Variants in HDGFL3 observed in about 807,000 individuals in gnomAD.
HDGFL3 encodes the protein HDGF like 3.
A neutral mutation model predicts 27.6 loss-of-function variants in HDGFL3; 6 were observed. The observed-to-expected ratio is 0.22, with a 90% CI of 0.12 to 0.43. The LOEUF is 0.43. HDGFL3 is among the 20% of genes least tolerant of loss of function. The probability of loss-of-function intolerance (pLI) is 1.00; values close to 1 mark genes in which losing one functional copy is unlikely to be tolerated. For synonymous variants in HDGFL3, 88 were observed against 88.9 expected, an observed-to-expected ratio of 0.99 and a Z score of 0.05; for missense variants, 207 against 250.1, an observed-to-expected ratio of 0.83 and a Z score of 1.16.
intron 5 of HDGFL3, among the ~76,000 whole-genome samples, chr15:83,139,560 T>C (rs185704407): frequency 6.6e-6 from 1 of 152,322 alleles, no homozygotes; most frequent in African/African-American, 2.4e-5. Context: ...GTGCACATTC[T>C]ACAATTCTAG....
At chr15:83,124,634 A>G, downstream of HDGFL3, 1 of 1,519,160 alleles carries the variant, frequency 6.6e-7, no homozygotes, top group South Asian at 1.2e-5. Flanking sequence ...CTTCTTTGGC[A>G]CTTTGGGCCT....
At chr15:83,147,360 C>T (rs752757507) in intron 5 of HDGFL3, among the ~76,000 whole-genome samples, 1 of 151,994 alleles carries the variant, frequency 6.6e-6, no homozygotes, top group Non-Finnish European at 1.5e-5. Context: ...GCACCTGGCC[C>T]TACCTTCTTG....
chr15:83,181,610 G>T (rs2037382463), intron 1 of HDGFL3, among the ~76,000 whole-genome samples: 3 of 152,040 alleles, frequency 2.0e-5, no homozygotes, highest in Admixed American at 1.3e-4. Flanking sequence ...CGAGTAGCTG[G>T]GATTACAGAC....
intron 1 of HDGFL3, chr15:83,180,977 C>G (rs559514380): frequency 6.6e-6 from 1 of 151,768 alleles, no homozygotes; most frequent in East Asian, 1.9e-4. Context: ...GAACTGCAAG[C>G]ATGATGATAT....
intron 4 of HDGFL3, among the ~76,000 whole-genome samples, chr15:83,152,559 G>C (rs1037444129): frequency 2.0e-5 from 3 of 151,988 alleles, no homozygotes; most frequent in African/African-American, 7.3e-5. Context: ...AATTAGCTGG[G>C]TGTGGTGGCG....
At chr15:83,119,591 TG>T (rs767865454) in intron 3 of HDGFL3, 7 of 1,614,208 alleles carry the variant, frequency 4.3e-6, no homozygotes, top group Non-Finnish European at 5.9e-6. Context: ...GAACCGTATC[TG>T]AACACCGCAT....
Position 83,159,421 on chromosome 15 carries a change from T to C in HDGFL3, c.162-1380A>G, listed in dbSNP as rs185154557. 2.4e-4 allele frequency among the ~76,000 whole-genome samples: 36 copies of C among 152,304 alleles called. No homozygotes were observed. In the East Asian group the frequency reaches 6.4e-3, roughly 27 times the overall value. ...CAAACATTGATTGAACATTTGTTAA[T>C]ACAATGTGCCAGGCACTATTCCAGA... On this transcript the variant is annotated intron_variant, in intron 2 of 5. Transcript: ENST00000299633.
In HDGFL3 at chr15:83,129,179, C is replaced by T. The variant is rs1321897744; in HGVS notation, c.*10091G>A. 2 of 151,638 alleles carry T rather than the reference C, an allele frequency of 1.3e-5. No individual in the cohort carries two copies. Among genetic ancestry groups the T allele is most frequent in the Non-Finnish European group, 2.9e-5 (2 of 67,882 alleles). 9.4% of individuals were successfully genotyped at this position (151,638 alleles called of 1,614,324 possible). On this transcript the variant is annotated 3_prime_UTR_variant, in exon 6 of 6. Transcript: ENST00000299633. Reference sequence around the variant, plus strand: ...GATTCTCCAACCCATTTTTTTTTTCCAGCTCCGCTGCCCCTACACTAGTCT... The same window carrying T: ...GATTCTCCAACCCATTTTTTTTTTCTAGCTCCGCTGCCCCTACACTAGTCT...
In HDGFL3 at chr15:83,157,471, C is replaced by G; in HGVS notation, c.403G>C (p.Gly135Arg). 1 of 1,613,198 alleles carries G rather than the reference C, an allele frequency of 6.2e-7. No homozygotes were observed. Among genetic ancestry groups the G allele is most frequent in the South Asian group, 1.1e-5 (1 of 91,052 alleles). The change falls in exon 4 of 6, where the codon GGC (glycine) becomes CGC (arginine). Residue 135 changes from glycine (G) to arginine (R), a missense_variant. Gly to Arg is a moderately radical substitution (Grantham distance 125). Transcript: ENST00000299633. ...CCTGCTTTTTCATTCTTTCTTTTGC[C>G]TTTTCCATCTTCTTCTACTCTATCA... is the stretch of plus-strand genomic sequence containing the variant. ...EGDRVEEDGK[G>R]KRKNEKAGSK... is the part of the protein sequence containing the mutation.
At chr15:83,198,054 C>CGAAAAAAAAAA (rs1555456264) in intron 1 of HDGFL3, among the ~76,000 whole-genome samples, 1 of 57,596 alleles carries the variant, frequency 1.7e-5, no homozygotes, top group Non-Finnish European at 2.8e-5. Context: ...GACTCCGTCT[C>CGAAAAAAAAAA]AAAAAAAAAA....
chr15:83,167,653 C>T (rs1043164152), intron 1 of HDGFL3, among the ~76,000 whole-genome samples: 2 of 151,954 alleles, frequency 1.3e-5, no homozygotes, highest in Non-Finnish European at 2.9e-5. Flanking sequence ...ATGTACATGC[C>T]CAACATTGGA....
chr15:83,115,763 CCATT>C (rs1329343388), intron 3 of HDGFL3: 1 of 915,956 alleles, frequency 1.1e-6, no homozygotes, highest in Non-Finnish European at 1.8e-6. Context: ...GAAAAACATT[CCATT>C]ATTATTAGCT....
At chr15:83,164,149 C>T (rs1446479938) in intron 1 of HDGFL3, 74 bp from the exon 2 acceptor site, 8 of 857,384 alleles carry the variant, frequency 9.3e-6, no homozygotes, top group Non-Finnish European at 1.3e-5. Context: ...TGATAATTTA[C>T]TGCTAATTTC....
At chr15:83,204,956 T>A (rs551182422) in intron 1 of HDGFL3, among the ~76,000 whole-genome samples, 2 of 152,344 alleles carry the variant, frequency 1.3e-5, no homozygotes, top group South Asian at 2.1e-4. Context: ...CATTCCTGTA[T>A]GAACCAGCTC....
chr15:83,178,272 TTC>T (rs1260661672), intron 1 of HDGFL3, among the ~76,000 whole-genome samples: 1 of 152,218 alleles, frequency 6.6e-6, no homozygotes, highest in East Asian at 1.9e-4. Flanking sequence ...GAATTTTGTT[TTC>T]TGTGTCAAAA....
In HDGFL3 at chr15:83,193,116, A is replaced by G. The variant is rs565557022; in HGVS notation, c.84+14215T>C. ...TCTCTGCTTATTTGAATAAATTACA[A>G]TAAGCACAAAAATCAAGAGTAAAAA... On this transcript the variant is annotated intron_variant, in intron 1 of 5. Coordinates refer to ENST00000299633, the MANE Select transcript of HDGFL3 (RefSeq NM_016073.4). Among the ~76,000 whole-genome samples the G allele has an allele frequency of 5.9e-4, 90 of 152,344 alleles. 1 individual carries two copies. Among genetic ancestry groups the G allele is most frequent in the African/African-American group, 2.1e-3 (86 of 41,572 alleles).
At chr15:83,186,222 AT>A (rs1368487812) in intron 1 of HDGFL3, among the ~76,000 whole-genome samples, 1 of 152,234 alleles carries the variant, frequency 6.6e-6, no homozygotes, top group Non-Finnish European at 1.5e-5. Context: ...AAGCCATTAA[AT>A]TTTAGAGCAA....
chr15:83,152,716 G>A (rs181207795), intron 4 of HDGFL3, among the ~76,000 whole-genome samples: 5 of 149,218 alleles, frequency 3.4e-5, no homozygotes, highest in East Asian at 2.0e-4. Context: ...AAGAGAAAAC[G>A]TCCTCTAGCT....
chr15:83,136,551 C>T lies in HDGFL3; in HGVS notation c.*2719G>A. On this transcript the variant is annotated 3_prime_UTR_variant, in exon 6 of 6. Coordinates refer to ENST00000299633, the MANE Select transcript of HDGFL3 (RefSeq NM_016073.4). ...TATGTCTACAGAGTCCCTGAAGAAG[C>T]AAAAATCCTTTTTTTAGCATTAAAC... The T allele has an allele frequency of 1.2e-6, 2 of 1,613,490 alleles. No homozygotes were observed. The highest frequency in any genetic ancestry group is 2.2e-5 in the South Asian group (2 of 90,980).
Sources: gnomAD v4.1 joint callset for allele counts (sites outside exome capture counted in the v4.1 genomes callset) on GRCh38, gnomAD v4.1.1 for gene constraint, MANE v1.5 for transcripts, NCBI Gene and HGNC (gene_info 2026-07-23, HGNC 2026-07-21) for gene names.